The following IPO11 variants were observed in gnomAD, a reference collection of about 807,000 sequenced individuals.
IPO11 encodes the protein importin-11.
IPO11 carries 66 observed loss-of-function variants against 143.2 expected under a neutral mutation model. The observed-to-expected ratio is 0.46, with a 90% CI of 0.38 to 0.57. The LOEUF (loss-of-function observed/expected upper bound fraction) is 0.57, where lower values mean the gene tolerates loss of function less well. Ranked by LOEUF, IPO11 falls within the 20% of genes least tolerant of loss-of-function variation. The pLI is 0.00. For synonymous variants in IPO11, 385 were observed against 377.8 expected (o/e 1.02, Z -0.22); for missense variants, 1,026 against 1,141.0 (o/e 0.90, Z 1.45).
Position 62,506,235 on chromosome 5 carries a change from C to CAAAAACA in IPO11, c.1666-6_1666-5insAAAAACA. ...CCTTTTTTATTTTCTTTCTTTTTAC[C>CAAAAACA]TGCAGTATTTGGAAACCATGTTCAC... On this transcript the variant is annotated splice_polypyrimidine_tract_variant and splice_region_variant and intron_variant, in intron 18 of 29. Transcript: ENST00000325324. 1 of 1,503,636 alleles carries CAAAAACA rather than the reference C, an allele frequency of 6.7e-7. No individual in the cohort carries two copies. The highest frequency in any genetic ancestry group is 1.2e-5 in the South Asian group (1 of 85,512). The allele number at this position is 1,503,636 out of a possible 1,614,324, so 93.1% of individuals were successfully genotyped here.
intron 24 of IPO11, among the ~76,000 whole-genome samples, chr5:62,549,184 G>A (rs1743312012): frequency 6.6e-6 from 1 of 152,022 alleles, no homozygotes; most frequent in Non-Finnish European, 1.5e-5. Context: ...ATGAGGAATT[G>A]ATATCTTGTA....
chr5:62,464,938 T>A (rs1162984448), intron 5 of IPO11, among the ~76,000 whole-genome samples: 1 of 152,222 alleles, frequency 6.6e-6, no homozygotes, highest in Non-Finnish European at 1.5e-5. Flanking sequence ...AATGTCGTTT[T>A]GTTGTAAGCA....
intron 2 of IPO11, among the ~76,000 whole-genome samples, chr5:62,441,763 T>C (rs1179560979): frequency 4.7e-5 from 7 of 148,934 alleles, no homozygotes; most frequent in Non-Finnish European, 1.0e-4. Context: ...GTGGTCCACC[T>C]GCCTCGGCCT....
intron 20 of IPO11, among the ~76,000 whole-genome samples, chr5:62,523,143 A>G (rs866429320): frequency 1.4e-4 from 22 of 152,096 alleles, no homozygotes; most frequent in African/African-American, 4.8e-4. Context: ...CTTTCTTCCC[A>G]GCTTCCAAAG....
At chr5:62,497,490 C>A (rs1020071638) in intron 16 of IPO11, among the ~76,000 whole-genome samples, 1 of 151,694 alleles carries the variant, frequency 6.6e-6, no homozygotes, top group Admixed American at 6.6e-5. Flanking sequence ...TTTTTTGAGA[C>A]AAGGTCTCAC....
At chr5:62,561,314 T>A in intron 27 of IPO11, 57 bp downstream of exon 27, 1 of 530,972 alleles carries the variant, frequency 1.9e-6, no homozygotes. Context: ...GTAAACACTA[T>A]TTTTGGCCAT....
chr5:62,558,900 A>C (rs893485923), intron 26 of IPO11, among the ~76,000 whole-genome samples: 1 of 152,246 alleles, frequency 6.6e-6, no homozygotes, highest in Non-Finnish European at 1.5e-5. Context: ...TAAAGTGAGT[A>C]TCTTCATAGC....
intron 1 of IPO11, among the ~76,000 whole-genome samples, chr5:62,421,375 T>G (rs911544213): frequency 1.3e-5 from 2 of 152,254 alleles, no homozygotes; most frequent in Non-Finnish European, 2.9e-5. Flanking sequence ...TGATGTAGTA[T>G]AATTCATTAG....
At chr5:62,571,514 A>G (rs1402959179) in intron 27 of IPO11, among the ~76,000 whole-genome samples, 1 of 152,232 alleles carries the variant, frequency 6.6e-6, no homozygotes, top group Middle Eastern at 3.2e-3. Flanking sequence ...ATACCAGCTT[A>G]TTCAGTAGGT....
At chr5:62,492,047 A>G (rs918042187) in intron 15 of IPO11, among the ~76,000 whole-genome samples, 1 of 152,194 alleles carries the variant, frequency 6.6e-6, no homozygotes, top group African/African-American at 2.4e-5. Context: ...GTGTTTCTCA[A>G]ACTTTAATGT....
intron 27 of IPO11, among the ~76,000 whole-genome samples, chr5:62,576,554 G>C (rs1448873830): frequency 2.0e-5 from 3 of 152,294 alleles, no homozygotes; most frequent in Admixed American, 2.0e-4. Flanking sequence ...ACTTTGGGAG[G>C]CCAAGGTGGG....
At chr5:62,490,287 G>T (rs1034532390) in intron 15 of IPO11, 67 bp downstream of exon 15, 5 of 1,050,566 alleles carry the variant, frequency 4.8e-6, no homozygotes, top group Non-Finnish European at 6.7e-6. Context: ...ATGAAGACAG[G>T]AAGGCATTAA....
At chr5:62,428,146 T>G (rs905090541) in intron 1 of IPO11, among the ~76,000 whole-genome samples, 1 of 152,196 alleles carries the variant, frequency 6.6e-6, no homozygotes, top group African/African-American at 2.4e-5. Context: ...TGCTTTAATT[T>G]CTTGATCTTT....
chr5:62,441,055 G>C (rs934978789), intron 2 of IPO11, among the ~76,000 whole-genome samples: 4 of 152,054 alleles, frequency 2.6e-5, no homozygotes, highest in Admixed American at 6.6e-5. Context: ...AGGTTTAAGA[G>C]GTCACCTTTG....
At chr5:62,475,586 C>A (rs1231728728) in intron 8 of IPO11, among the ~76,000 whole-genome samples, 1 of 152,168 alleles carries the variant, frequency 6.6e-6, no homozygotes, top group African/African-American at 2.4e-5. Context: ...AGGCAGATGT[C>A]CACAACAGTC....
intron 28 of IPO11, among the ~76,000 whole-genome samples, chr5:62,597,025 T>C (rs895909269): frequency 2.0e-5 from 3 of 152,214 alleles, no homozygotes; most frequent in Non-Finnish European, 2.9e-5. Context: ...ATTCCATCTT[T>C]CCCTGTTTCT....
chr5:62,518,713 A>T (rs1220896632), intron 20 of IPO11, among the ~76,000 whole-genome samples: 1 of 152,060 alleles, frequency 6.6e-6, no homozygotes, highest in Non-Finnish European at 1.5e-5. Flanking sequence ...AAGTTTCTGT[A>T]TGTTTTTGTT....
chr5:62,442,652 AG>A (rs1212721483), intron 2 of IPO11, among the ~76,000 whole-genome samples: 1 of 152,142 alleles, frequency 6.6e-6, no homozygotes, highest in African/African-American at 2.4e-5. Flanking sequence ...TGAGGTCAAG[AG>A]GTCGAGACCA....
intron 27 of IPO11, among the ~76,000 whole-genome samples, chr5:62,568,348 G>A (rs570406710): frequency 6.6e-6 from 1 of 151,236 alleles, no homozygotes; most frequent in South Asian, 2.1e-4. Context: ...ACCCTCTAAT[G>A]CATTTTTCAG....
Sources: allele counts gnomAD v4.1 joint callset (sites outside exome capture counted in the v4.1 genomes callset), GRCh38; gene constraint gnomAD v4.1.1; transcripts MANE v1.5; gene names NCBI Gene and HGNC (gene_info 2026-07-23, HGNC 2026-07-21).